Variants in STK36 observed in about 807,000 individuals in gnomAD.
STK36 encodes the protein serine/threonine-protein kinase 36.
Under a neutral mutation model 142.2 loss-of-function variants are expected in STK36, and 116 were observed. That is an observed-to-expected ratio of 0.82 (90% CI 0.70 to 0.95). The LOEUF is 0.95. STK36 is among the 40% of genes least tolerant of loss of function. The pLI is 0.00. For missense variants in STK36, 1,422 were observed against 1,617.2 expected, an observed-to-expected ratio of 0.88 and a Z score of 2.07; for synonymous variants, 619 against 641.7, an observed-to-expected ratio of 0.96 and a Z score of 0.53.
intron 21 of STK36, among the ~76,000 whole-genome samples, chr2:218,695,862 CTTTT>C (rs34836020): frequency 3.0e-5 from 3 of 100,038 alleles, no homozygotes; most frequent in Admixed American, 1.1e-4. Context: ...ATGTAGAATT[CTTTT>C]TTTTTTTTTT....
intron 4 of STK36, among the ~76,000 whole-genome samples, chr2:218,674,402 G>A (rs1559327752): frequency 6.6e-6 from 1 of 151,976 alleles, no homozygotes; most frequent in East Asian, 1.9e-4. Context: ...AGGTTGTGGG[G>A]AGTCAGGATT....
chr2:218,680,929 A>G (rs1007796647), intron 10 of STK36, among the ~76,000 whole-genome samples: 6 of 152,220 alleles, frequency 3.9e-5, no homozygotes, highest in Admixed American at 6.5e-5. Context: ...TCAGTCTCCA[A>G]GGTGACCAGT....
At chr2:218,681,832 C>T (rs188195637) in intron 10 of STK36, among the ~76,000 whole-genome samples, 7 of 152,362 alleles carry the variant, frequency 4.6e-5, no homozygotes, top group Non-Finnish European at 1.0e-4. Context: ...TCTGATTAGG[C>T]GCTGCCTCCT....
rs1326272670 is a variant in STK36, at chr2:218,679,711, T to G, written c.930T>G (p.Ala310=). 1 of 1,614,146 alleles carries G rather than the reference T, an allele frequency of 6.2e-7. No individual in the cohort carries two copies. The highest frequency in any genetic ancestry group is 8.5e-7 in the Non-Finnish European group (1 of 1,180,038). ...TGACTCAGGCCTATAAACGCATGGCTGAGGAGGCCATGCAGAAGGTGTGTG... is the reference window on the plus strand; with the variant it reads ...TGACTCAGGCCTATAAACGCATGGCGGAGGAGGCCATGCAGAAGGTGTGTG... ...RILTQAYKRM[A]EEAMQKKHQN... The change falls in exon 8 of 27, where the codon GCT becomes GCG. Residue 310 remains alanine, a synonymous_variant. Coordinates refer to ENST00000295709, the MANE Select transcript of STK36 (RefSeq NM_015690.5).
At chr2:218,700,871 G>A (rs1344365966) in intron 26 of STK36, among the ~76,000 whole-genome samples, 1 of 151,208 alleles carries the variant, frequency 6.6e-6, no homozygotes, top group Non-Finnish European at 1.5e-5. Flanking sequence ...AATTAGCTGG[G>A]TGTGGTGGCA....
chr2:218,687,759 G>T (rs1940835350), intron 11 of STK36, among the ~76,000 whole-genome samples: 1 of 152,148 alleles, frequency 6.6e-6, no homozygotes, highest in Non-Finnish European at 1.5e-5. Context: ...ATTTCACAGG[G>T]TTATTGTAAA....
rs976147548 is a variant in STK36, at chr2:218,690,521, A to T, written c.1730A>T (p.Asp577Val). The change falls in exon 14 of 27, where the codon GAC becomes GTC. Residue 577 changes from aspartate to valine, a missense_variant. Transcript: ENST00000295709. ...GGGAAACTGCTGGCCCAACCAGATGACTCTGAGCAGACTTTGCGGAGGGAC... is the reference window on the plus strand; with the variant it reads ...GGGAAACTGCTGGCCCAACCAGATGTCTCTGAGCAGACTTTGCGGAGGGAC... ...LLGKLLAQPD[D>V]SEQTLRRDSL... 18 of 1,614,012 alleles carry T rather than the reference A, an allele frequency of 1.1e-5. No individual in the cohort carries two copies. The highest frequency in any genetic ancestry group is 1.4e-5 in the Non-Finnish European group (16 of 1,180,002).
At position 218,697,121 on chromosome 2, in the gene STK36, G is replaced by A. The variant is rs1175660403; in HGVS notation, c.2669G>A (p.Arg890Lys). ...TGGCACCGCTTCTCCATGGTCCTGA[G>A]GCTCCCCGAGGAGGCATCTGCACAG... The part of the protein sequence containing the change: ...VLWHRFSMVL[R>K]LPEEASAQEG... The change falls in exon 23 of 27, where the codon AGG (arginine) becomes AAG (lysine). Residue 890 changes from arginine to lysine, a missense_variant. Physicochemically the swap from Arg to Lys is conservative, Grantham distance 26 (BLOSUM62 2). Transcript: ENST00000295709. 5.6e-6 allele frequency: 9 copies of A among 1,614,038 alleles called. No homozygotes were observed. The highest frequency in any genetic ancestry group is 2.7e-5 in the African/African-American group (2 of 74,918).
In STK36 at chr2:218,699,255, C is replaced by T. The variant is rs377250176; in HGVS notation, c.3711C>T (p.Leu1237=). The T allele has an allele frequency of 5.6e-6, 9 of 1,613,966 alleles. No individual in the cohort carries two copies. The South Asian group carries it at 9.9e-5, about 18-fold the overall frequency. The change falls in exon 26 of 27, where the codon CTC becomes CTT. Residue 1237 remains leucine, a synonymous_variant. Transcript: ENST00000295709. ...ELLQCEVPQR[L]LEMACGDPQP... is the part of the protein sequence containing the mutation. The stretch of plus-strand genomic sequence containing the variant: ...TACAGTGCGAAGTACCCCAGCGGCT[C>T]CTAGAAATGGCATGTGGAGACCCCC...
rs1271241437 is a variant in STK36 at position 218,698,604 on chromosome 2, C to T, written c.3060C>T (p.Val1020=). ...CCTTTTACCTCCTGTTCTCTCAGGT[C>T]TGCTGCTACCATCTTCCGTTGATGC... ...DSEVAAHLLQ[V]CCYHLPLMQV... is the part of the protein sequence containing the mutation. The change falls in exon 26 of 27, where the codon GTC becomes GTT. Residue 1020 remains valine, a splice_region_variant and synonymous_variant. Transcript: ENST00000295709. 4 of 1,613,228 alleles carry T rather than the reference C, an allele frequency of 2.5e-6. No homozygotes were observed. In the African/African-American group the frequency reaches 4.0e-5, roughly 16 times the overall value.
At position 218,672,150 on chromosome 2, in the gene STK36, C is replaced by T. The variant is rs923416340; in HGVS notation, c.-155C>T. On this transcript the variant is annotated 5_prime_UTR_variant, in exon 1 of 27. Transcript: ENST00000295709. ...CAGGAAGTGCCCATGTGTGGTCCGC[C>T]GTCCATTCCACACCTCTGAGCGCCT... 38 of 672,902 alleles carry T rather than the reference C, an allele frequency of 5.6e-5. No homozygotes were observed. Among genetic ancestry groups the T allele is most frequent in the Middle Eastern group, 3.4e-4 (1 of 2,936 alleles). 41.7% of individuals were successfully genotyped at this position (672,902 alleles called of 1,614,324 possible).
chr2:218,676,159 A>C lies in STK36; in HGVS notation c.565A>C (p.Ile189Leu). 6.2e-7 allele frequency: 1 copy of C among 1,614,180 alleles called. No individual in the cohort carries two copies. The highest frequency in any genetic ancestry group is 8.5e-7 in the Non-Finnish European group (1 of 1,180,040). ...HTADLWSVGC[I>L]LYELAVGTPP... The stretch of plus-strand genomic sequence containing the variant: ...AGCGGACCTCTGGTCTGTTGGCTGC[A>C]TACTATATGAACTGGCAGTAGGCAC... Residue 189 changes from isoleucine to leucine, a missense_variant, in exon 6 of 27, where the codon ATA (isoleucine) becomes CTA (leucine). This residue lies in a region of STK36 where 460 missense variants were observed against 449.6 expected (regional missense o/e 1.02). Coordinates refer to ENST00000295709, the MANE Select transcript of STK36 (RefSeq NM_015690.5).
rs1575118568 is a variant in STK36 at position 218,673,550 on chromosome 2, C to G, written c.85-75C>G. ...ACTCTAAAATCTGACTTCTGGAGCT[C>G]TGAGATTAAGGCTGAAATTCTAGAT... is the stretch of plus-strand genomic sequence containing the variant. On this transcript the variant is annotated intron_variant, in intron 2 of 26. Coordinates refer to ENST00000295709, the MANE Select transcript of STK36 (RefSeq NM_015690.5). 3 of 1,526,884 alleles carry G rather than the reference C, an allele frequency of 2.0e-6. No individual in the cohort carries two copies. The Admixed American group carries it at 6.7e-5, about 34-fold the overall frequency. 94.6% of individuals were successfully genotyped at this position (1,526,884 alleles called of 1,614,324 possible).
chr2:218,680,430 C>T (rs960827663), intron 9 of STK36, among the ~76,000 whole-genome samples, 173 bp from the exon 10 acceptor site: 2 of 152,112 alleles, frequency 1.3e-5, no homozygotes, highest in African/African-American at 2.4e-5. Context: ...TTTGTGTAGT[C>T]GTCAACATAT....
chr2:218,683,675 G>A (rs1255100795), intron 10 of STK36, among the ~76,000 whole-genome samples: 4 of 152,100 alleles, frequency 2.6e-5, no homozygotes, highest in Admixed American at 1.3e-4. Context: ...ATGCTGGTGC[G>A]CAGCACCCAC....
At chr2:218,691,531 C>T (rs1002862833) in intron 14 of STK36, among the ~76,000 whole-genome samples, 2 of 151,974 alleles carry the variant, frequency 1.3e-5, no homozygotes, top group Admixed American at 1.3e-4. Flanking sequence ...TTGGGAGGGA[C>T]CCAGGAATCC....
intron 11 of STK36, among the ~76,000 whole-genome samples, chr2:218,688,020 T>G (rs1940843064): frequency 6.6e-6 from 1 of 152,098 alleles, no homozygotes; most frequent in African/African-American, 2.4e-5. Context: ...TAGCTAGGTG[T>G]GGTGGTGGGC....
chr2:218,700,770 G>T (rs920505461), intron 26 of STK36, among the ~76,000 whole-genome samples: 2 of 151,664 alleles, frequency 1.3e-5, no homozygotes, highest in African/African-American at 2.4e-5. Context: ...CCAGCACTTT[G>T]GGAGACTGAG....
intron 16 of STK36, 81 bp downstream of exon 16, chr2:218,692,791 G>GA (rs1203416867): frequency 1.3e-6 from 2 of 1,501,416 alleles, no homozygotes; most frequent in Admixed American, 4.5e-5. Flanking sequence ...CAGAAAGGCA[G>GA]AAAAACAAGC....
Sources: gnomAD v4.1 joint callset for allele counts (sites outside exome capture counted in the v4.1 genomes callset) on GRCh38, gnomAD v4.1.1 for gene constraint, gnomAD v4.1.1 regional missense constraint, MANE v1.5 for transcripts, NCBI Gene and HGNC (gene_info 2026-07-23, HGNC 2026-07-21) for gene names.